Variants in TANGO6 observed in about 807,000 individuals in gnomAD.
TANGO6 encodes the protein transport and golgi organization 6 homolog.
Under a neutral mutation model 114.2 loss-of-function variants are expected in TANGO6, and 90 were observed. The observed-to-expected ratio is 0.79, with a 90% CI of 0.66 to 0.94. The LOEUF is 0.94. TANGO6 is among the 40% of genes least tolerant of loss of function. TANGO6 has a pLI of 0.00. For synonymous variants in TANGO6, 477 were observed against 509.8 expected (o/e 0.94, Z 0.87); for missense variants, 1,274 against 1,315.3 (o/e 0.97, Z 0.49).
intron 1 of TANGO6, among the ~76,000 whole-genome samples, chr16:68,844,019 G>T (rs1731540539): frequency 6.6e-6 from 1 of 152,164 alleles, no homozygotes; most frequent in Admixed American, 6.6e-5. Flanking sequence ...GCTCTTGGGA[G>T]GGGGATATGG....
At chr16:68,979,846 C>CTTT (rs775591234) in intron 15 of TANGO6, among the ~76,000 whole-genome samples, 3 of 136,288 alleles carry the variant, frequency 2.2e-5, no homozygotes, top group East Asian at 2.1e-4. Flanking sequence ...TGTTTTTTGA[C>CTTT]TTTTTTTTTT....
intron 2 of TANGO6, among the ~76,000 whole-genome samples, chr16:68,862,308 G>A (rs550055005): frequency 1.3e-4 from 20 of 152,182 alleles, no homozygotes; most frequent in African/African-American, 4.6e-4. Flanking sequence ...TCCGCCTCCC[G>A]GGTTCAGCTT....
chr16:68,867,223 A>G lies in TANGO6; in HGVS notation c.994+3A>G. On this transcript the variant is annotated splice_donor_region_variant and intron_variant, in intron 4 of 17. Coordinates refer to ENST00000261778, the MANE Select transcript of TANGO6 (RefSeq NM_024562.2). ...GGGCATTTTGGAAGGAGCAGGTGGT[A>G]AGAAATAAAATGTTGCTGTGACTTT... 1 of 1,613,582 alleles carries G rather than the reference A, an allele frequency of 6.2e-7. No homozygotes were observed. Among genetic ancestry groups the G allele is most frequent in the Non-Finnish European group, 8.5e-7 (1 of 1,179,768 alleles).
At chr16:68,891,041 A>G (rs181508138) in intron 7 of TANGO6, among the ~76,000 whole-genome samples, 30 of 139,966 alleles carry the variant, frequency 2.1e-4, no homozygotes, top group African/African-American at 8.0e-4. Context: ...AAAAGAAAAA[A>G]AAGACTTTGG....
intron 7 of TANGO6, among the ~76,000 whole-genome samples, chr16:68,881,500 C>T (rs1198704267): frequency 7.9e-5 from 12 of 152,126 alleles, no homozygotes; most frequent in Admixed American, 5.9e-4. Flanking sequence ...GGGGATAGAG[C>T]GAGACTCTGT....
chr16:68,886,675 A>AT (rs1962543469), intron 7 of TANGO6, among the ~76,000 whole-genome samples: 2 of 151,580 alleles, frequency 1.3e-5, no homozygotes, highest in Admixed American at 1.3e-4. Context: ...CGCCCAGTTA[A>AT]TTTTTTGTAT....
chr16:69,077,492 C>G (rs1302510369), intron 17 of TANGO6, among the ~76,000 whole-genome samples: 3 of 151,994 alleles, frequency 2.0e-5, no homozygotes, highest in African/African-American at 7.3e-5. Context: ...GAGCAATGTA[C>G]CAGTCACTTT....
In TANGO6 at chr16:68,851,409, C is replaced by T. The variant is rs763394032; in HGVS notation, c.94+7698C>T. On this transcript the variant is annotated intron_variant, in intron 1 of 17. Transcript: ENST00000261778. ...TCCTGACCTTGTGATCCGCCCACCT[C>T]GGCCTCCCAAAGTGCTGGGATTACA... Among the ~76,000 whole-genome samples, 6 of 152,150 alleles carry T rather than the reference C, an allele frequency of 3.9e-5. No individual in the cohort carries two copies. The South Asian group carries it at 6.2e-4, about 16-fold the overall frequency.
At chr16:69,023,513 A>G (rs13331390) in intron 16 of TANGO6, among the ~76,000 whole-genome samples, 30,646 of 152,058 alleles carry the variant, frequency 0.2, 3,312 homozygotes, top group African/African-American at 0.27. Flanking sequence ...CAGCTGAGAG[A>G]AAGTCATCTT....
intron 7 of TANGO6, among the ~76,000 whole-genome samples, chr16:68,893,105 G>A (rs1037608512): frequency 3.9e-5 from 6 of 152,178 alleles, no homozygotes; most frequent in African/African-American, 1.4e-4. Flanking sequence ...TGAAACTTCA[G>A]TTGTTTTGCA....
chr16:68,965,341 T>C (rs1963635263), intron 14 of TANGO6, among the ~76,000 whole-genome samples: 2 of 152,110 alleles, frequency 1.3e-5, no homozygotes, highest in Admixed American at 1.3e-4. Context: ...GATTTTCTTT[T>C]TTAATCAAGT....
chr16:68,855,104 G>A (rs193262766), intron 1 of TANGO6, among the ~76,000 whole-genome samples: 1 of 151,544 alleles, frequency 6.6e-6, no homozygotes, highest in African/African-American at 2.4e-5. Context: ...CTACCTGGGA[G>A]GCTGAGGCAG....
chr16:69,012,580 GAAA>G, intron 15 of TANGO6, among the ~76,000 whole-genome samples: 1 of 108,532 alleles, frequency 9.2e-6, no homozygotes, highest in Admixed American at 9.8e-5. Context: ...AAAAAAAAAG[GAAA>G]AAAAAAAAAA....
chr16:68,892,714 C>T lies in TANGO6; in HGVS notation c.1378-7720C>T, dbSNP rs965483224. On this transcript the variant is annotated intron_variant, in intron 7 of 17. Transcript: ENST00000261778. ...TATTTTTAGTAGAGACAGGGTTTCA[C>T]CATGTTGCCAGGCTGGTCTTGAACT... Among the ~76,000 whole-genome samples, 3 of 152,106 alleles carry T rather than the reference C, an allele frequency of 2.0e-5. No individual in the cohort carries two copies. The South Asian group carries it at 6.2e-4, about 32-fold the overall frequency.
chr16:68,865,049 G>A lies in TANGO6; in HGVS notation c.852+1988G>A, dbSNP rs1326161721. ...TCCCAGCACTTTGGGAGGCCGAGGC[G>A]GGTGGATCACGAGGTCAGGAGTTCA... On this transcript the variant is annotated intron_variant, in intron 3 of 17. Transcript: ENST00000261778. 3.3e-5 allele frequency among the ~76,000 whole-genome samples: 5 copies of A among 151,478 alleles called. No homozygotes were observed. The South Asian group carries it at 6.3e-4, about 19-fold the overall frequency.
Position 68,980,435 on chromosome 16 carries a change from A to ATATT in TANGO6, c.2842+6268_2842+6269insATTT, listed in dbSNP as rs1317961639. Among the ~76,000 whole-genome samples, 76 of 61,760 alleles carry ATATT rather than the reference A, an allele frequency of 1.2e-3. 1 individual carries two copies. Among genetic ancestry groups the ATATT allele is most frequent in the African/African-American group, 1.7e-3 (24 of 13,922 alleles). 40.5% of individuals were successfully genotyped at this position (61,760 alleles called of 152,430 possible). ...TATATATATATATATATATATATAT[A>ATATT]TTTTTTTTTTTTTTTTTGAGATAGG... On this transcript the variant is annotated intron_variant, in intron 15 of 17. Transcript: ENST00000261778.
chr16:68,979,846 C>CTTTTTTTTTTTTTT (rs775591234), intron 15 of TANGO6, among the ~76,000 whole-genome samples: 1 of 136,292 alleles, frequency 7.3e-6, no homozygotes. Context: ...TGTTTTTTGA[C>CTTTTTTTTTTTTTT]TTTTTTTTTT....
rs767505011 is a variant in TANGO6, at chr16:68,902,516, C to CA, written c.1667+13dup. On this transcript the variant is annotated intron_variant, in intron 9 of 17. Transcript: ENST00000261778. ...AAAGAGGCCATTAGGTGAGTCCACCCATCCGTTACTGTTCTCTTCAGATTT... is the reference window on the plus strand; with the variant it reads ...AAAGAGGCCATTAGGTGAGTCCACCCAATCCGTTACTGTTCTCTTCAGATTT... 6.2e-7 allele frequency: 1 copy of CA among 1,600,586 alleles called. No individual in the cohort carries two copies. The highest frequency in any genetic ancestry group is 2.3e-5 in the East Asian group (1 of 44,258).
intron 14 of TANGO6, among the ~76,000 whole-genome samples, chr16:68,933,346 T>C (rs1400939169): frequency 6.6e-6 from 1 of 151,912 alleles, no homozygotes; most frequent in Non-Finnish European, 1.5e-5. Flanking sequence ...ACCCAGGAGA[T>C]GAGGGTTGCA....
Sources: gnomAD v4.1 joint callset for allele counts (sites outside exome capture counted in the v4.1 genomes callset) on GRCh38, gnomAD v4.1.1 for gene constraint, MANE v1.5 for transcripts, NCBI Gene and HGNC (gene_info 2026-07-23, HGNC 2026-07-21) for gene names.